Variants in NEDD4 observed in about 807,000 individuals in gnomAD.
The protein encoded by NEDD4 is NEDD4 E3 ubiquitin protein ligase.
In NEDD4, 99 loss-of-function variants were observed where a neutral mutation model predicts 144.9. The observed-to-expected ratio is 0.68, with a 90% confidence interval of 0.58 to 0.81. The LOEUF (loss-of-function observed/expected upper bound fraction) is 0.81, where lower values mean the gene tolerates loss of function less well. Among genes scored for constraint, NEDD4 ranks in the 30% least tolerant of loss-of-function variants. The probability of loss-of-function intolerance (pLI) is 0.00; values close to 1 mark genes in which losing one functional copy is unlikely to be tolerated. For missense variants in NEDD4, 985 were observed against 1,065.9 expected (o/e 0.92, Z 1.06); for synonymous variants, 318 against 350.6 (o/e 0.91, Z 1.04).
rs971704682 is a variant in NEDD4, at chr15:55,979,583, G to C, written c.46-13037C>G. ...TTAGCCAGGATGGTCTCGATCTCCT[G>C]ACCTCATGATCCACCCGCCTCGGCC... On this transcript the variant is annotated intron_variant, in intron 1 of 28. Coordinates refer to ENST00000435532, the MANE Select transcript of NEDD4 (RefSeq NM_006154.4). 7.2e-5 allele frequency among the ~76,000 whole-genome samples: 11 copies of C among 151,728 alleles called. No homozygotes were observed. In the East Asian group the frequency reaches 1.7e-3, roughly 24 times the overall value.
Position 55,846,977 on chromosome 15 carries a change from T to C in NEDD4, c.1600A>G (p.Lys534Glu), listed in dbSNP as rs2033775406. 1.2e-6 allele frequency: 2 copies of C among 1,603,298 alleles called. No individual in the cohort carries two copies. Among genetic ancestry groups the C allele is most frequent in the East Asian group, 4.5e-5 (2 of 44,606 alleles). Residue 534 changes from lysine (K) to glutamate (E), a missense_variant, in exon 18 of 29, where the codon AAG becomes GAG. By Grantham distance (56) the Lys-to-Glu change is moderately conservative. Transcript: ENST00000435532. The stretch of plus-strand genomic sequence containing the variant: ...TTATAAACATGACTAACCTGCTTCT[T>C]CAACTTTCTTCGGAAGAACTCATAC... ...RKYEFFRRKL[K>E]KQNDIPNKFE...
chr15:55,924,746 A>G (rs1460698608), intron 4 of NEDD4, 47 bp from the exon 5 acceptor site: 1 of 1,531,576 alleles, frequency 6.5e-7, no homozygotes, highest in African/African-American at 1.4e-5. Context: ...ACATCAACCC[A>G]CAGATACTCA....
At chr15:55,985,075 G>C (rs1344592779) in intron 1 of NEDD4, among the ~76,000 whole-genome samples, 9 of 152,192 alleles carry the variant, frequency 5.9e-5, no homozygotes, top group African/African-American at 2.2e-4. Flanking sequence ...GATTCACCAA[G>C]TAAGTGACAG....
At position 55,924,732 on chromosome 15, in the gene NEDD4, G is replaced by A. The variant is rs902089544; in HGVS notation, c.238-33C>T. The A allele has an allele frequency of 3.2e-6, 5 of 1,579,598 alleles. No individual in the cohort carries two copies. The East Asian group carries it at 1.1e-4, about 36-fold the overall frequency. On this transcript the variant is annotated intron_variant, in intron 4 of 28. Coordinates refer to ENST00000435532, the MANE Select transcript of NEDD4 (RefSeq NM_006154.4). ...AAACACAATCTTTATTTAAAAACAAGTAAACATCAACCCACAGATACTCAG... is the reference window on the plus strand; with the variant it reads ...AAACACAATCTTTATTTAAAAACAAATAAACATCAACCCACAGATACTCAG...
intron 6 of NEDD4, among the ~76,000 whole-genome samples, chr15:55,872,977 C>A (rs763394158): frequency 1.3e-4 from 19 of 151,046 alleles, no homozygotes; most frequent in Admixed American, 2.0e-4. Context: ...TAATATAACT[C>A]ACAAGACTGA....
chr15:55,828,110 A>G lies in NEDD4; in HGVS notation c.*1787T>C, dbSNP rs1236917338. On this transcript the variant is annotated 3_prime_UTR_variant, in exon 29 of 29. Transcript: ENST00000435532. ...ATGGTGAAGACAAAACGCAGGGTAC[A>G]TTAATCTGTGAATTGCTTCCCCTAA... 6.6e-6 allele frequency: 1 copy of G among 152,212 alleles called. No individual in the cohort carries two copies. The highest frequency in any genetic ancestry group is 1.9e-4 in the East Asian group (1 of 5,200). 9.4% of individuals were successfully genotyped at this position (152,212 alleles called of 1,614,324 possible). A position where few individuals can be genotyped will look rare whatever the true frequency, so the allele number is the denominator to read the frequency against.
Position 55,886,530 on chromosome 15 carries a change from G to A in NEDD4, c.292-12522C>T, listed in dbSNP as rs546567678. ...GCCTCTAATCCCAGCACTTTGGGAG[G>A]CCGAGGTGGGTGGATCACGAGGTCA... On this transcript the variant is annotated intron_variant, in intron 5 of 28. Transcript: ENST00000435532. 2.0e-5 allele frequency among the ~76,000 whole-genome samples: 3 copies of A among 152,292 alleles called. No homozygotes were observed. In the East Asian group the frequency reaches 5.8e-4, roughly 29 times the overall value.
chr15:55,911,730 G>A (rs569429145), intron 5 of NEDD4, among the ~76,000 whole-genome samples: 9 of 151,884 alleles, frequency 5.9e-5, no homozygotes, highest in African/African-American at 1.5e-4. Context: ...GGGTTTCACC[G>A]TGTTAGCCAG....
intron 4 of NEDD4, among the ~76,000 whole-genome samples, chr15:55,934,458 T>A (rs1319705675): frequency 6.6e-6 from 1 of 152,208 alleles, no homozygotes; most frequent in Admixed American, 6.5e-5. Flanking sequence ...TTAATAACAC[T>A]GTAAAAGTGT....
chr15:55,968,551 G>T (rs1209321962), intron 1 of NEDD4, among the ~76,000 whole-genome samples: 8 of 152,092 alleles, frequency 5.3e-5, no homozygotes, highest in African/African-American at 1.9e-4. Context: ...TCCAGAATAT[G>T]TGAATAACTC....
At chr15:55,917,945 A>G (rs1340878232) in intron 5 of NEDD4, among the ~76,000 whole-genome samples, 1 of 152,166 alleles carries the variant, frequency 6.6e-6, no homozygotes, top group Non-Finnish European at 1.5e-5. Flanking sequence ...AAGTCTAAAA[A>G]GGATTTAGCA....
At position 55,951,594 on chromosome 15, in the gene NEDD4, T is replaced by TA. The variant is rs10718511; in HGVS notation, c.120-6dup. On this transcript the variant is annotated splice_region_variant and splice_polypyrimidine_tract_variant and intron_variant, in intron 2 of 28. Transcript: ENST00000435532. ...GTCACTCTCACGTAAGGATCACTGT[T>TA]AAAAAAAAAAAAAAAAAGAAAGAAA... 2.0e-3 allele frequency: 2,317 copies of TA among 1,183,402 alleles called. No homozygotes were observed. The highest frequency in any genetic ancestry group is 4.4e-3 in the South Asian group (220 of 50,338). 73.3% of individuals were successfully genotyped at this position (1,183,402 alleles called of 1,614,324 possible). A position where few individuals can be genotyped will look rare whatever the true frequency, so the allele number is the denominator to read the frequency against.
chr15:55,899,937 A>T (rs1566940178), intron 5 of NEDD4, among the ~76,000 whole-genome samples: 1 of 152,030 alleles, frequency 6.6e-6, no homozygotes, highest in Non-Finnish European at 1.5e-5. Flanking sequence ...GCTGTAGGAA[A>T]TTTTTTTTAG....
At chr15:55,942,743 G>C (rs1390140844) in intron 4 of NEDD4, among the ~76,000 whole-genome samples, 1 of 152,230 alleles carries the variant, frequency 6.6e-6, no homozygotes, top group Non-Finnish European at 1.5e-5. Context: ...GGGAAGTCAG[G>C]CATTGCTATA....
intron 11 of NEDD4, among the ~76,000 whole-genome samples, chr15:55,857,422 A>G (rs1343716777): frequency 6.6e-6 from 1 of 152,026 alleles, no homozygotes; most frequent in Non-Finnish European, 1.5e-5. Context: ...TCCACCTCCC[A>G]GGTTCAAGCA....
intron 7 of NEDD4, among the ~76,000 whole-genome samples, 181 bp from the exon 8 acceptor site, chr15:55,869,862 T>TAAAA (rs1555397236): frequency 1.3e-5 from 1 of 79,520 alleles, no homozygotes; most frequent in Non-Finnish European, 3.0e-5. Context: ...GGCAAACATA[T>TAAAA]ATAAATAAAT....
chr15:55,882,487 C>G (rs1464509325), intron 5 of NEDD4, among the ~76,000 whole-genome samples: 1 of 152,176 alleles, frequency 6.6e-6, no homozygotes, highest in Non-Finnish European at 1.5e-5. Context: ...CAGCCAGAGC[C>G]GGTGGAGAAT....
chr15:55,838,656 A>T lies in NEDD4; in HGVS notation c.2032-52T>A. The T allele has an allele frequency of 2.4e-6, 3 of 1,275,060 alleles. No individual in the cohort carries two copies. In the South Asian group the frequency reaches 3.7e-5, roughly 16 times the overall value. The allele number at this position is 1,275,060 out of a possible 1,614,324, so 79.0% of individuals were successfully genotyped here. A position where few individuals can be genotyped will look rare whatever the true frequency, so the allele number is the denominator to read the frequency against. Reference sequence around the variant, plus strand: ...AATTTGTATCTATAACACACCTGAAATTGCAAAAAACAGTATGTAGAGGGT... The same window carrying T: ...AATTTGTATCTATAACACACCTGAATTTGCAAAAAACAGTATGTAGAGGGT... On this transcript the variant is annotated intron_variant, in intron 21 of 28. Transcript: ENST00000435532.
intron 1 of NEDD4, among the ~76,000 whole-genome samples, chr15:55,973,588 T>G (rs2037649930): frequency 6.6e-6 from 1 of 151,876 alleles, no homozygotes; most frequent in Non-Finnish European, 1.5e-5. Flanking sequence ...CTTCTCTGAC[T>G]ACAACAGAAT....
Sources: gnomAD v4.1 joint callset for allele counts (sites outside exome capture counted in the v4.1 genomes callset) on GRCh38, gnomAD v4.1.1 for gene constraint, MANE v1.5 for transcripts, NCBI Gene and HGNC (gene_info 2026-07-23, HGNC 2026-07-21) for gene names.